Variants in DNAJC5B observed in about 807,000 individuals in gnomAD.
DNAJC5B encodes the protein DnaJ heat shock protein family (Hsp40) member C5 beta.
In DNAJC5B, 23 loss-of-function variants were observed where a neutral mutation model predicts 24.7. That is an observed-to-expected ratio of 0.93 (90% CI 0.67 to 1.32). The LOEUF (loss-of-function observed/expected upper bound fraction) is 1.32, where lower values mean the gene tolerates loss of function less well. Among genes scored for constraint, DNAJC5B ranks in the 40% most tolerant of loss-of-function variants. The probability of loss-of-function intolerance (pLI) is 0.00; values close to 1 mark genes in which losing one functional copy is unlikely to be tolerated. For synonymous variants in DNAJC5B, 101 were observed against 90.1 expected, an observed-to-expected ratio of 1.12 and a Z score of -0.68; for missense variants, 238 against 240.8, an observed-to-expected ratio of 0.99 and a Z score of 0.08.
At chr8:66,053,126 T>C (rs1806887305) in intron 3 of DNAJC5B, among the ~76,000 whole-genome samples, 1 of 151,770 alleles carries the variant, frequency 6.6e-6, no homozygotes, top group Non-Finnish European at 1.5e-5. Flanking sequence ...TTTAAAAAGA[T>C]GGGATCTTGC....
At chr8:66,069,582 A>G (rs1343028950) in intron 3 of DNAJC5B, among the ~76,000 whole-genome samples, 1 of 152,212 alleles carries the variant, frequency 6.6e-6, no homozygotes, top group African/African-American at 2.4e-5. Flanking sequence ...CTACTAACCA[A>G]AGAAAGTCCA....
At chr8:66,031,968 A>G (rs1357149338) in intron 1 of DNAJC5B, among the ~76,000 whole-genome samples, 3 of 152,216 alleles carry the variant, frequency 2.0e-5, no homozygotes, top group Admixed American at 2.0e-4. Flanking sequence ...TTGGCCTAGT[A>G]ATTACCTCAT....
At chr8:66,031,350 T>C (rs1240771362) in intron 1 of DNAJC5B, among the ~76,000 whole-genome samples, 1 of 152,218 alleles carries the variant, frequency 6.6e-6, no homozygotes, top group Non-Finnish European at 1.5e-5. Context: ...TTATTGGCAT[T>C]TCCTCCTACC....
In DNAJC5B at chr8:66,080,580, G is replaced by T. The variant is rs1305414877; in HGVS notation, c.505+32G>T. 1.9e-6 allele frequency: 3 copies of T among 1,549,184 alleles called. No individual in the cohort carries two copies. The African/African-American group carries it at 4.1e-5, about 21-fold the overall frequency. On this transcript the variant is annotated intron_variant, in intron 5 of 5. Transcript: ENST00000276570. ...TAGGATGAGAGCAGAGGTAGTGAGTGTCCATTCATAGGCCTGAGCAAGCAC... is the reference window on the plus strand; with the variant it reads ...TAGGATGAGAGCAGAGGTAGTGAGTTTCCATTCATAGGCCTGAGCAAGCAC...
intron 1 of DNAJC5B, among the ~76,000 whole-genome samples, chr8:66,034,561 T>C (rs960217234): frequency 6.6e-6 from 1 of 151,050 alleles, no homozygotes; most frequent in African/African-American, 2.4e-5. Context: ...ATGAGGGAGT[T>C]GTTGGCAAGG....
chr8:66,049,050 C>A (rs934462229), intron 2 of DNAJC5B, among the ~76,000 whole-genome samples: 1 of 152,198 alleles, frequency 6.6e-6, no homozygotes, highest in African/African-American at 2.4e-5. Context: ...ATTTGGATCC[C>A]ATATTAGTCT....
intron 3 of DNAJC5B, among the ~76,000 whole-genome samples, chr8:66,073,088 T>A (rs1807384562): frequency 2.6e-5 from 4 of 151,980 alleles, no homozygotes; most frequent in Non-Finnish European, 5.9e-5. Context: ...AGGGAAAAAA[T>A]CCAATTATCA....
At chr8:66,015,062 A>G in the DNAJC5B span, among the ~76,000 whole-genome samples, 1 of 152,298 alleles carries the variant, frequency 6.6e-6, no homozygotes, top group Middle Eastern at 3.4e-3. Flanking sequence ...TTCTAACACC[A>G]AGGTAAGCCA....
At chr8:66,091,724 G>C (rs1807852532) in intron 5 of DNAJC5B, among the ~76,000 whole-genome samples, 1 of 152,136 alleles carries the variant, frequency 6.6e-6, no homozygotes, top group Non-Finnish European at 1.5e-5. Flanking sequence ...TACTAGAGAA[G>C]TGCAAGAGTG....
At chr8:66,056,312 A>G (rs1806961738) in intron 3 of DNAJC5B, among the ~76,000 whole-genome samples, 2 of 152,088 alleles carry the variant, frequency 1.3e-5, no homozygotes, top group Admixed American at 1.3e-4. Context: ...CACCAATTGA[A>G]AGCTCCCCAT....
intron 1 of DNAJC5B, among the ~76,000 whole-genome samples, chr8:66,034,499 C>T (rs995248127): frequency 6.6e-6 from 1 of 151,800 alleles, no homozygotes; most frequent in African/African-American, 2.4e-5. Flanking sequence ...AGGGACCCAG[C>T]AGATAGGCTT....
chr8:66,041,251 G>C (rs1330726792), intron 1 of DNAJC5B, among the ~76,000 whole-genome samples: 3 of 152,174 alleles, frequency 2.0e-5, no homozygotes, highest in Non-Finnish European at 4.4e-5. Flanking sequence ...TGTTCATCAT[G>C]TCCTTGCACA....
intron 1 of DNAJC5B, among the ~76,000 whole-genome samples, chr8:66,027,299 C>T (rs1012527306): frequency 5.9e-5 from 9 of 152,218 alleles, no homozygotes; most frequent in African/African-American, 2.2e-4. Context: ...CTTCCATAGA[C>T]ATCTTCCTCC....
intron 3 of DNAJC5B, among the ~76,000 whole-genome samples, chr8:66,059,810 A>G (rs1034186119): frequency 6.6e-6 from 1 of 152,206 alleles, no homozygotes; most frequent in African/African-American, 2.4e-5. Flanking sequence ...ACTGCTAGAC[A>G]TAACCTTGGG....
chr8:66,032,777 G>A (rs984712228), intron 1 of DNAJC5B, among the ~76,000 whole-genome samples: 6 of 152,130 alleles, frequency 3.9e-5, no homozygotes, highest in East Asian at 3.8e-4. Context: ...GCTCCTCATC[G>A]CTTGATACAT....
At chr8:66,070,185 AC>A (rs1807314582) in intron 3 of DNAJC5B, among the ~76,000 whole-genome samples, 1 of 152,216 alleles carries the variant, frequency 6.6e-6, no homozygotes, top group Non-Finnish European at 1.5e-5. Flanking sequence ...CTCCTATTCA[AC>A]ATAGCAGTGG....
intron 1 of DNAJC5B, among the ~76,000 whole-genome samples, chr8:66,030,516 G>C (rs1466984986): frequency 6.6e-6 from 1 of 152,192 alleles, no homozygotes; most frequent in Non-Finnish European, 1.5e-5. Flanking sequence ...TGGACTTGCT[G>C]TGTCCTTCCC....
At chr8:66,076,898 C>T (rs1807480303) in intron 4 of DNAJC5B, 25 bp downstream of exon 4, 1 of 1,611,462 alleles carries the variant, frequency 6.2e-7, no homozygotes, top group Non-Finnish European at 8.5e-7. Context: ...CCTTTCTTCA[C>T]AATCTCCTGT....
chr8:66,061,589 TAGAGAGAGAG>T (rs565078426), intron 3 of DNAJC5B, among the ~76,000 whole-genome samples: 14 of 142,886 alleles, frequency 9.8e-5, no homozygotes, highest in African/African-American at 3.6e-4. Flanking sequence ...AAAGAATGGA[TAGAGAGAGAG>T]AGAGAGAGAG....
Sources: gnomAD v4.1 joint callset for allele counts (sites outside exome capture counted in the v4.1 genomes callset) on GRCh38, gnomAD v4.1.1 for gene constraint, MANE v1.5 for transcripts, NCBI Gene and HGNC (gene_info 2026-07-23, HGNC 2026-07-21) for gene names.